The following SLCO1C1 variants were observed in gnomAD, a reference collection of about 807,000 sequenced individuals.
The protein encoded by SLCO1C1 is solute carrier organic anion transporter family member 1C1.
Under a neutral mutation model 76.4 loss-of-function variants are expected in SLCO1C1, and 70 were observed. That is an observed-to-expected ratio of 0.92 (90% CI 0.76 to 1.12). The LOEUF (loss-of-function observed/expected upper bound fraction) is 1.12. Among genes scored for constraint, SLCO1C1 ranks in the 50% most tolerant of loss-of-function variants. The pLI, the probability that SLCO1C1 is intolerant of heterozygous loss-of-function variation, is 0.00. For missense variants in SLCO1C1, 912 were observed against 823.8 expected (o/e 1.11, Z -1.31); for synonymous variants, 306 against 286.1 (o/e 1.07, Z -0.70).
chr12:20,704,252 T>TA (rs1446555919), intron 3 of SLCO1C1, among the ~76,000 whole-genome samples: 1 of 151,560 alleles, frequency 6.6e-6, no homozygotes, highest in Non-Finnish European at 1.5e-5. Context: ...GATATATATA[T>TA]ATATCTGTAT....
At chr12:20,706,260 CTG>C (rs1311436206) in intron 4 of SLCO1C1, among the ~76,000 whole-genome samples, 179 bp downstream of exon 4, 1 of 151,930 alleles carries the variant, frequency 6.6e-6, no homozygotes, top group Admixed American at 6.6e-5. Context: ...TGACAATAAA[CTG>C]TAAAAAATTG....
At chr12:20,713,745 G>A (rs1355595405) in intron 5 of SLCO1C1, among the ~76,000 whole-genome samples, 1 of 152,208 alleles carries the variant, frequency 6.6e-6, no homozygotes, top group Non-Finnish European at 1.5e-5. Context: ...GTCCAATACA[G>A]TAGCCCCTAG....
intron 4 of SLCO1C1, among the ~76,000 whole-genome samples, chr12:20,709,937 A>G (rs1946987638): frequency 6.6e-6 from 1 of 150,550 alleles, no homozygotes; most frequent in African/African-American, 2.4e-5. Context: ...AATTGAAAAC[A>G]GTTAACCTCA....
intron 9 of SLCO1C1, among the ~76,000 whole-genome samples, chr12:20,730,788 T>A (rs914255265): frequency 2.0e-5 from 3 of 152,190 alleles, no homozygotes; most frequent in Non-Finnish European, 2.9e-5. Flanking sequence ...CCCTTTGTTA[T>A]CATCTGTACA....
rs1432804726 is a variant in SLCO1C1 at position 20,750,204 on chromosome 12, G to A, written c.1799-471G>A. Among the ~76,000 whole-genome samples, 4 of 152,174 alleles carry A rather than the reference G, an allele frequency of 2.6e-5. No homozygotes were observed. In the South Asian group the frequency reaches 6.2e-4, roughly 24 times the overall value. On this transcript the variant is annotated intron_variant, in intron 13 of 14. Transcript: ENST00000266509. ...GAATGAAGCCAAGGAATCATGAATTGGCTGTTGCTTTAAGTTAGGGTAGAA... is the reference window on the plus strand; with the variant it reads ...GAATGAAGCCAAGGAATCATGAATTAGCTGTTGCTTTAAGTTAGGGTAGAA...
intron 7 of SLCO1C1, 86 bp downstream of exon 7, chr12:20,717,316 C>A: frequency 3.7e-6 from 4 of 1,076,862 alleles, no homozygotes; most frequent in Admixed American, 3.0e-5. Flanking sequence ...ATCAAATTGC[C>A]TTTTTATAAA....
intron 13 of SLCO1C1, among the ~76,000 whole-genome samples, chr12:20,748,911 G>A (rs1029291598): frequency 3.9e-5 from 6 of 151,926 alleles, no homozygotes; most frequent in Non-Finnish European, 7.4e-5. Flanking sequence ...TGGTGAAGGT[G>A]GTGTCTACCA....
intron 10 of SLCO1C1, among the ~76,000 whole-genome samples, chr12:20,734,227 G>A (rs909198653): frequency 3.3e-5 from 5 of 152,050 alleles, no homozygotes; most frequent in Admixed American, 6.6e-5. Context: ...CTAAATGAGC[G>A]CCTGTTATAG....
chr12:20,751,529 C>A (rs996397813), intron 14 of SLCO1C1, among the ~76,000 whole-genome samples: 1 of 152,088 alleles, frequency 6.6e-6, no homozygotes, highest in African/African-American at 2.4e-5. Flanking sequence ...TTGGGCACAC[C>A]ATTTTGAATA....
Position 20,711,421 on chromosome 12 carries a change from C to T in SLCO1C1, c.440C>T (p.Ser147Phe). The change falls in exon 5 of 15, where the codon TCC (serine) becomes TTC (phenylalanine). Residue 147 changes from serine to phenylalanine, a missense_variant. Ser to Phe is a radical substitution (Grantham distance 155, BLOSUM62 -2). Coordinates refer to ENST00000266509, the MANE Select transcript of SLCO1C1 (RefSeq NM_017435.5). ...KYERYSPSSNSTLSISPCLLE... is the reference protein window; with the variant it reads ...KYERYSPSSNFTLSISPCLLE... Reference sequence around the variant, plus strand: ...GAGAGATATTCTCCTTCCTCCAATTCCACTCTCAGCATCTCTCCGTGTCTC... The same window carrying T: ...GAGAGATATTCTCCTTCCTCCAATTTCACTCTCAGCATCTCTCCGTGTCTC... 2 of 1,613,654 alleles carry T rather than the reference C, an allele frequency of 1.2e-6. No individual in the cohort carries two copies. Among genetic ancestry groups the T allele is most frequent in the African/African-American group, 1.3e-5 (1 of 75,022 alleles).
At chr12:20,720,409 GTAGTGATTTCTAATGATTTC>G (rs1947606596) in intron 7 of SLCO1C1, among the ~76,000 whole-genome samples, 1 of 152,198 alleles carries the variant, frequency 6.6e-6, no homozygotes. Flanking sequence ...GCTATGATCA[GTAGTGATTTCTAATGATTTC>G]TAGTGATTTC....
In SLCO1C1 at chr12:20,752,194, C is replaced by A. The variant is rs146217957; in HGVS notation, c.1917-112C>A. On this transcript the variant is annotated intron_variant, in intron 14 of 14. Transcript: ENST00000266509. ...TTCATAAAACAGTCTTTTATATAAG[C>A]CACCAAATCTACATTCTTAAAGAAA... is the stretch of plus-strand genomic sequence containing the variant. 3,986 of 679,236 alleles carry A rather than the reference C, an allele frequency of 5.9e-3. 24 individuals carry two copies. The highest frequency in any genetic ancestry group is 7.4e-3 in the Non-Finnish European group (3,184 of 432,224). The allele number at this position is 679,236 out of a possible 1,614,324, so 42.1% of individuals were successfully genotyped here. A position where few individuals can be genotyped will look rare whatever the true frequency, so the allele number is the denominator to read the frequency against.
chr12:20,721,679 G>A lies in SLCO1C1; in HGVS notation c.776-125G>A, dbSNP rs1947681252. The A allele has an allele frequency of 1.9e-5, 23 of 1,211,452 alleles. No individual in the cohort carries two copies. The East Asian group carries it at 2.4e-4, about 12-fold the overall frequency. The allele number at this position is 1,211,452 out of a possible 1,614,324, so 75.0% of individuals were successfully genotyped here. A position where few individuals can be genotyped will look rare whatever the true frequency, so the allele number is the denominator to read the frequency against. ...TAAGATCCAGATAAAAAAAAAAATA[G>A]CATAGATGAATTATTAGGTATTTTA... On this transcript the variant is annotated intron_variant, in intron 7 of 14. Transcript: ENST00000266509.
chr12:20,746,148 C>G (rs1482511765), intron 13 of SLCO1C1, among the ~76,000 whole-genome samples: 1 of 152,032 alleles, frequency 6.6e-6, no homozygotes, highest in African/African-American at 2.4e-5. Flanking sequence ...AAGGCTATAT[C>G]ACAAGGGAAC....
intron 11 of SLCO1C1, 130 bp from the exon 12 acceptor site, chr12:20,740,054 C>T (rs1681373848): frequency 1.1e-6 from 1 of 946,608 alleles, no homozygotes; most frequent in African/African-American, 1.6e-5. Context: ...TACTGTAATA[C>T]AAAAAAATAA....
rs118169384 is a variant in SLCO1C1 at position 20,726,965 on chromosome 12, G to A, written c.1186+3711G>A. 8.8e-3 allele frequency among the ~76,000 whole-genome samples: 1,335 copies of A among 152,190 alleles called. 19 individuals are homozygous for A. The highest frequency in any genetic ancestry group is 0.02 in the South Asian group (94 of 4,818). Reference sequence around the variant, plus strand: ...GATATGTGAGAACATGTAGTATTTGGTTTTCTGTTTCTGAGTTAGTTCACT... The same window carrying A: ...GATATGTGAGAACATGTAGTATTTGATTTTCTGTTTCTGAGTTAGTTCACT... On this transcript the variant is annotated intron_variant, in intron 9 of 14. Coordinates refer to ENST00000266509, the MANE Select transcript of SLCO1C1 (RefSeq NM_017435.5).
chr12:20,724,411 GTATATATATATATATATA>G (rs1168220832), intron 9 of SLCO1C1, among the ~76,000 whole-genome samples: 2 of 88,216 alleles, frequency 2.3e-5, no homozygotes, highest in African/African-American at 9.6e-5. Context: ...GTGTGTGTGT[GTATATATATATATATATA>G]TATATATATA....
At position 20,722,939 on chromosome 12, in the gene SLCO1C1, C is replaced by G. The variant is rs148168478; in HGVS notation, c.1022-151C>G. On this transcript the variant is annotated intron_variant, in intron 8 of 14. Transcript: ENST00000266509. ...AGGCTTGACGCATGCCAGTGGCTTA[C>G]TATATACATAGTGTATGTGTGTACC... 1.4e-3 allele frequency: 902 copies of G among 643,228 alleles called. 3 individuals carry two copies. The highest frequency in any genetic ancestry group is 2.0e-3 in the Non-Finnish European group (780 of 387,890). 39.8% of individuals were successfully genotyped at this position (643,228 alleles called of 1,614,324 possible). A position where few individuals can be genotyped will look rare whatever the true frequency, so the allele number is the denominator to read the frequency against.
chr12:20,720,619 A>G (rs912705437), intron 7 of SLCO1C1, among the ~76,000 whole-genome samples: 13 of 152,224 alleles, frequency 8.5e-5, no homozygotes, highest in Non-Finnish European at 1.3e-4. Flanking sequence ...TGGAGAAAGT[A>G]AGTGCATATG....
Sources: allele counts gnomAD v4.1 joint callset (sites outside exome capture counted in the v4.1 genomes callset), GRCh38; gene constraint gnomAD v4.1.1; transcripts MANE v1.5; gene names NCBI Gene and HGNC (gene_info 2026-07-23, HGNC 2026-07-21).